CDK14: variants seen among roughly 807,000 people sequenced by gnomAD.
The protein encoded by CDK14 is cyclin-dependent kinase 14.
Under a neutral mutation model 60.7 loss-of-function variants are expected in CDK14, and 34 were observed. The observed-to-expected ratio is 0.56, with a 90% CI of 0.43 to 0.75. The LOEUF (loss-of-function observed/expected upper bound fraction) is 0.75. Among genes scored for constraint, CDK14 ranks in the 30% least tolerant of loss-of-function variants. CDK14 has a pLI of 0.00. For missense variants in CDK14, 482 were observed against 564.1 expected (o/e 0.85, Z 1.47); for synonymous variants, 197 against 203.7 (o/e 0.97, Z 0.28).
intron 14 of CDK14, among the ~76,000 whole-genome samples, chr7:91,132,983 C>G (rs2116431091): frequency 6.6e-6 from 1 of 152,100 alleles, no homozygotes; most frequent in South Asian, 2.1e-4. Context: ...ATTCACATAT[C>G]TTTTGTAAAA....
intron 14 of CDK14, among the ~76,000 whole-genome samples, chr7:91,161,387 T>C (rs1420594966): frequency 6.6e-6 from 1 of 152,230 alleles, no homozygotes; most frequent in African/African-American, 2.4e-5. Context: ...ACATTTTCTG[T>C]ATAATTCACA....
chr7:91,204,538 G>A (rs1000878338), intron 14 of CDK14, among the ~76,000 whole-genome samples: 2 of 152,182 alleles, frequency 1.3e-5, no homozygotes, highest in Non-Finnish European at 2.9e-5. Context: ...TAACCAGAAT[G>A]TGTAAAGAAC....
At chr7:91,007,580 A>G (rs139985524) in intron 10 of CDK14, among the ~76,000 whole-genome samples, 52 of 152,310 alleles carry the variant, frequency 3.4e-4, no homozygotes, top group Non-Finnish European at 6.3e-4. Context: ...ATTGGCAGCC[A>G]AGCAAATCCA....
chr7:91,136,243 A>G (rs1195184246), intron 14 of CDK14, among the ~76,000 whole-genome samples: 1 of 152,160 alleles, frequency 6.6e-6, no homozygotes, highest in Admixed American at 6.6e-5. Flanking sequence ...CTTTTCTAAA[A>G]TATGATGTTC....
chr7:90,890,264 T>C (rs570493611), intron 6 of CDK14, among the ~76,000 whole-genome samples: 1 of 152,136 alleles, frequency 6.6e-6, no homozygotes, highest in Non-Finnish European at 1.5e-5. Flanking sequence ...TCCTAGCTAC[T>C]TGGGAGGCTA....
intron 6 of CDK14, among the ~76,000 whole-genome samples, chr7:90,869,736 C>A (rs1791305072): frequency 6.6e-6 from 1 of 152,296 alleles, no homozygotes; most frequent in Middle Eastern, 3.4e-3. Context: ...GGCCGACACA[C>A]CTGTTGGGAA....
intron 11 of CDK14, among the ~76,000 whole-genome samples, chr7:91,046,223 C>T (rs1417483418): frequency 6.6e-6 from 1 of 152,148 alleles, no homozygotes; most frequent in East Asian, 1.9e-4. Flanking sequence ...TTAATTTCAT[C>T]ATCAGTTAGA....
intron 9 of CDK14, among the ~76,000 whole-genome samples, chr7:90,965,758 G>A (rs60759524): frequency 0.021 from 3,246 of 152,254 alleles, 115 homozygotes; most frequent in African/African-American, 0.074. Context: ...AATGATTGAT[G>A]TTTGGCTAAC....
At chr7:91,042,703 C>A (rs1797122742) in intron 10 of CDK14, among the ~76,000 whole-genome samples, 1 of 152,144 alleles carries the variant, frequency 6.6e-6, no homozygotes, top group Non-Finnish European at 1.5e-5. Context: ...AGCTGGGGAC[C>A]ACATTTTAAG....
At chr7:90,666,927 GAGAGA>G (rs1563037181) in intron 2 of CDK14, among the ~76,000 whole-genome samples, 1 of 152,192 alleles carries the variant, frequency 6.6e-6, no homozygotes, top group Non-Finnish European at 1.5e-5. Flanking sequence ...TGCAAATGTA[GAGAGA>G]AGAGGACAAT....
chr7:90,648,885 C>G (rs1185526915), intron 2 of CDK14, among the ~76,000 whole-genome samples: 1 of 152,168 alleles, frequency 6.6e-6, no homozygotes, highest in East Asian at 1.9e-4. Context: ...TTCAGAAAAG[C>G]TTCATAGCAT....
chr7:91,162,752 T>C (rs1453879079), intron 14 of CDK14, among the ~76,000 whole-genome samples: 1 of 152,174 alleles, frequency 6.6e-6, no homozygotes, highest in Non-Finnish European at 1.5e-5. Flanking sequence ...ATTAAATAGA[T>C]TGAATTAATA....
chr7:90,839,129 G>C (rs568172342), intron 5 of CDK14, among the ~76,000 whole-genome samples: 2 of 152,302 alleles, frequency 1.3e-5, no homozygotes, highest in Admixed American at 1.3e-4. Context: ...AAGAACCTAT[G>C]TTGAAATATT....
At chr7:91,179,499 T>C (rs1801919169) in intron 14 of CDK14, among the ~76,000 whole-genome samples, 1 of 67,608 alleles carries the variant, frequency 1.5e-5, no homozygotes, top group Admixed American at 1.3e-4. Context: ...AAACTTAAAG[T>C]ATAATTAAAA....
At chr7:90,697,365 A>G (rs1450909206) in intron 2 of CDK14, among the ~76,000 whole-genome samples, 1 of 152,122 alleles carries the variant, frequency 6.6e-6, no homozygotes, top group Non-Finnish European at 1.5e-5. Flanking sequence ...CTAAAAAAAA[A>G]TCTTTATTTT....
At chr7:90,817,142 A>G (rs1009718095) in intron 5 of CDK14, among the ~76,000 whole-genome samples, 2 of 152,222 alleles carry the variant, frequency 1.3e-5, no homozygotes, top group Non-Finnish European at 2.9e-5. Flanking sequence ...CTATCAAATA[A>G]TTCCTATTTT....
chr7:90,809,168 A>G (rs1411856156), intron 5 of CDK14, among the ~76,000 whole-genome samples: 3 of 152,200 alleles, frequency 2.0e-5, no homozygotes, highest in African/African-American at 4.8e-5. Context: ...CAGAATATAC[A>G]TTCTTTTCAG....
chr7:91,155,607 C>G (rs1306236357), intron 14 of CDK14, among the ~76,000 whole-genome samples: 1 of 152,182 alleles, frequency 6.6e-6, no homozygotes, highest in Non-Finnish European at 1.5e-5. Context: ...TCATCTTTGA[C>G]ACAGTTGCCT....
intron 2 of CDK14, among the ~76,000 whole-genome samples, chr7:90,716,851 A>G (rs1802265908): frequency 6.6e-6 from 1 of 152,052 alleles, no homozygotes; most frequent in Non-Finnish European, 1.5e-5. Flanking sequence ...AGCAGAATAT[A>G]TCATTACATG....
Sources: gnomAD v4.1 joint callset for allele counts (sites outside exome capture counted in the v4.1 genomes callset) on GRCh38, gnomAD v4.1.1 for gene constraint, MANE v1.5 for transcripts, NCBI Gene and HGNC (gene_info 2026-07-23, HGNC 2026-07-21) for gene names.